C2CD3: variants seen among roughly 807,000 people sequenced by gnomAD.
C2CD3 encodes the protein C2 domain-containing protein 3.
C2CD3 carries 148 observed loss-of-function variants against 234.0 expected under a neutral mutation model. The observed-to-expected ratio is 0.63, with a 90% CI of 0.55 to 0.72. The LOEUF (loss-of-function observed/expected upper bound fraction) is 0.72. C2CD3 is among the 30% of genes least tolerant of loss of function. The pLI, the probability that C2CD3 is intolerant of heterozygous loss-of-function variation, is 0.00. For missense variants in C2CD3, 2,577 were observed against 2,811.5 expected (o/e 0.92, Z 1.89); for synonymous variants, 1,000 against 1,035.4 (o/e 0.97, Z 0.66).
At chr11:74,137,666 C>T (rs1378435172) in intron 5 of C2CD3, among the ~76,000 whole-genome samples, 1 of 151,588 alleles carries the variant, frequency 6.6e-6, no homozygotes, top group Non-Finnish European at 1.5e-5. Flanking sequence ...ATCACTGCAA[C>T]CTCTGCCTCC....
chr11:74,094,199 G>GTT (rs10717136), intron 17 of C2CD3, among the ~76,000 whole-genome samples, 200 bp from the exon 18 acceptor site: 5 of 136,824 alleles, frequency 3.7e-5, no homozygotes, highest in African/African-American at 8.0e-5. Flanking sequence ...CACTTGTTAG[G>GTT]TTTTTTTTTT....
intron 32 of C2CD3, 83 bp from the exon 33 acceptor site, chr11:74,013,608 C>T: frequency 1.1e-6 from 1 of 889,644 alleles, no homozygotes; most frequent in Non-Finnish European, 1.5e-6. Context: ...ATCTTTTGGT[C>T]CTTTGGTTAA....
chr11:74,032,261 AAGTC>A (rs1238380423), intron 31 of C2CD3, among the ~76,000 whole-genome samples: 1 of 152,174 alleles, frequency 6.6e-6, no homozygotes, highest in East Asian at 1.9e-4. Context: ...AGAAGGGTCA[AAGTC>A]AGGCTCCCTG....
At chr11:74,026,845 C>A (rs1018500564) in intron 32 of C2CD3, among the ~76,000 whole-genome samples, 1 of 151,704 alleles carries the variant, frequency 6.6e-6, no homozygotes, top group South Asian at 2.1e-4. Context: ...GTGGTGCACG[C>A]CTATAGTCCC....
chr11:74,128,856 T>C (rs1439793493), intron 7 of C2CD3: 7 of 255,156 alleles, frequency 2.7e-5, no homozygotes, highest in Admixed American at 1.0e-4. Context: ...GAGCACAGGG[T>C]TGGGGATAAG....
In C2CD3 at chr11:74,085,753, G is replaced by C; in HGVS notation, c.3775C>G (p.Pro1259Ala). ...RTHPVACSFCPEFSHHVEFTC... is the reference protein window; with the variant it reads ...RTHPVACSFCAEFSHHVEFTC... ...AACTCAACGTGATGGGAGAACTCAG[G>C]GCAGAAAGAACAGGCCACAGGGTGG... Residue 1259 changes from proline (P) to alanine (A), a missense_variant, in exon 21 of 33, where the codon CCT (proline) becomes GCT (alanine). Transcript: ENST00000334126. 6.2e-7 allele frequency: 1 copy of C among 1,614,112 alleles called. No homozygotes were observed. Among genetic ancestry groups the C allele is most frequent in the Non-Finnish European group, 8.5e-7 (1 of 1,180,032 alleles).
chr11:74,107,958 G>T (rs1956588819), intron 12 of C2CD3: 1 of 151,984 alleles, frequency 6.6e-6, no homozygotes, highest in South Asian at 2.1e-4. Context: ...AGACCATCCT[G>T]GCTAACATGG....
At chr11:74,115,070 T>C (rs1333988260) in intron 9 of C2CD3, among the ~76,000 whole-genome samples, 1 of 151,380 alleles carries the variant, frequency 6.6e-6, no homozygotes, top group Non-Finnish European at 1.5e-5. Flanking sequence ...GGTCCTATAG[T>C]ACAAGAAATC....
rs774743541 is a variant in C2CD3 at position 74,092,478 on chromosome 11, GTCTGTATTCCCACA to G, written c.3441_3454del (p.Val1148LeufsTer2). 90 of 1,613,752 alleles carry G rather than the reference GTCTGTATTCCCACA, an allele frequency of 5.6e-5. No individual in the cohort carries two copies. Among genetic ancestry groups the G allele is most frequent in the Non-Finnish European group, 7.4e-5 (87 of 1,179,672 alleles). On this transcript the variant is annotated frameshift_variant, in exon 19 of 33. Transcript: ENST00000334126. LOFTEE classifies it high-confidence loss of function. The stretch of plus-strand genomic sequence containing the variant: ...CCTGGGGGTTAAAGGGAGATTAAAG[GTCTGTATTCCCACA>G]TCCTCACGATGCTGGGTGGTTACCA...
intron 26 of C2CD3, among the ~76,000 whole-genome samples, chr11:74,049,785 C>T (rs1428981972): frequency 6.6e-6 from 1 of 152,142 alleles, no homozygotes; most frequent in Non-Finnish European, 1.5e-5. Context: ...CTCTCTCTCT[C>T]TCTCATTTTG....
At chr11:74,146,710 CCACACACA>C (rs141560536) in intron 3 of C2CD3, among the ~76,000 whole-genome samples, 4 of 85,000 alleles carry the variant, frequency 4.7e-5, no homozygotes, top group East Asian at 3.6e-4. Flanking sequence ...AAAAGTCAAA[CCACACACA>C]CACACACACA....
intron 5 of C2CD3, among the ~76,000 whole-genome samples, chr11:74,135,064 C>A (rs1285299545): frequency 6.6e-6 from 1 of 151,780 alleles, no homozygotes; most frequent in East Asian, 1.9e-4. Context: ...AAAAAAAATC[C>A]AAAATCTTAA....
intron 24 of C2CD3, among the ~76,000 whole-genome samples, chr11:74,065,505 C>A (rs910839519): frequency 6.6e-6 from 1 of 152,114 alleles, no homozygotes; most frequent in Admixed American, 6.6e-5. Context: ...GACAGTGTGG[C>A]GATTCCTCAA....
intron 26 of C2CD3, among the ~76,000 whole-genome samples, chr11:74,049,818 A>G (rs559778419): frequency 6.6e-6 from 1 of 152,028 alleles, no homozygotes; most frequent in South Asian, 2.1e-4. Flanking sequence ...TCTCACTCTG[A>G]TGTCTAGGTT....
Position 74,168,594 on chromosome 11 carries a change from T to A in C2CD3, c.75A>T (p.Pro25=). ...CAACCAGAGGTGGCAGGCTTGTAGA[T>A]GGAGAAATGTCACTTAAACCTGTAG... The part of the protein sequence containing the change: ...RKKRGLSDIS[P]STSLPPLVEG... The change falls in exon 2 of 33, where the codon CCA becomes CCT. Residue 25 remains proline, a synonymous_variant. Coordinates refer to ENST00000334126, the MANE Select transcript of C2CD3 (RefSeq NM_001286577.2). The A allele has an allele frequency of 1.2e-6, 2 of 1,614,106 alleles. No homozygotes were observed. Among genetic ancestry groups the A allele is most frequent in the Non-Finnish European group, 1.7e-6 (2 of 1,179,944 alleles).
intron 32 of C2CD3, chr11:74,016,545 G>C (rs1265596430): frequency 6.6e-6 from 1 of 152,370 alleles, no homozygotes; most frequent in Non-Finnish European, 1.5e-5. Flanking sequence ...ACAAGGACAG[G>C]GCTTGGCTCT....
intron 32 of C2CD3, among the ~76,000 whole-genome samples, chr11:74,014,872 A>G (rs896899155): frequency 1.4e-4 from 21 of 152,190 alleles, no homozygotes; most frequent in African/African-American, 5.1e-4. Flanking sequence ...GGGAATGTCT[A>G]CAATCTGGGA....
At chr11:74,049,807 G>T (rs138185183) in intron 26 of C2CD3, among the ~76,000 whole-genome samples, 22 of 152,162 alleles carry the variant, frequency 1.4e-4, no homozygotes, top group Admixed American at 6.5e-4. Context: ...AAGAGATGGG[G>T]TCTCACTCTG....
At chr11:74,034,552 T>C (rs755103024) in intron 30 of C2CD3, 97 of 1,613,614 alleles carry the variant, frequency 6.0e-5, no homozygotes, top group Admixed American at 1.5e-4. Flanking sequence ...TCAGGAATCG[T>C]TGGGAGCTGG....
Sources: allele counts gnomAD v4.1 joint callset (sites outside exome capture counted in the v4.1 genomes callset), GRCh38; gene constraint gnomAD v4.1.1; transcripts MANE v1.5; gene names NCBI Gene and HGNC (gene_info 2026-07-23, HGNC 2026-07-21).